PAF1: variants seen among roughly 807,000 people sequenced by gnomAD.
The protein encoded by PAF1 is RNA polymerase II-associated factor 1 homolog.
A neutral mutation model predicts 68.4 loss-of-function variants in PAF1; 31 were observed. The observed-to-expected ratio is 0.45, with a 90% CI of 0.34 to 0.61. The LOEUF (loss-of-function observed/expected upper bound fraction) is 0.61. PAF1 is among the 20% of genes least tolerant of loss of function. PAF1 has a pLI of 0.01. For synonymous variants in PAF1, 256 were observed against 240.5 expected, an observed-to-expected ratio of 1.06 and a Z score of -0.60; for missense variants, 435 against 692.9, an observed-to-expected ratio of 0.63 and a Z score of 4.18.
Position 39,386,637 on chromosome 19 carries a change from C to T in PAF1, c.1092+57G>A. The T allele has an allele frequency of 1.9e-6, 3 of 1,596,172 alleles. No individual in the cohort carries two copies. Among genetic ancestry groups the T allele is most frequent in the Admixed American group, 1.7e-5 (1 of 60,010 alleles). Reference sequence around the variant, plus strand: ...TCTGCTGGGTTTTTGTCCCCCTCCTCACCTACAACCACCACCCTCCCTGCC... The same window carrying T: ...TCTGCTGGGTTTTTGTCCCCCTCCTTACCTACAACCACCACCCTCCCTGCC... On this transcript the variant is annotated intron_variant, in intron 12 of 13. Transcript: ENST00000221265. This position sits in a 1 kb window ranked among gnomAD's most constrained non-coding sequence, Gnocchi z 6.1.
In PAF1 at chr19:39,386,365, C is replaced by T. The variant is rs1352765956; in HGVS notation, c.1222G>A (p.Gly408Ser). ...CTGCCCGAGTGCTCATCTTCACTGC[C>T]CTCCTTCTCACTGCTGCTGCCCTTC... is the stretch of plus-strand genomic sequence containing the variant. ...QEKGSSSEKE[G>S]SEDEHSGSES... Residue 408 changes from glycine to serine, a missense_variant, in exon 14 of 14, where the codon GGC becomes AGC. Transcript: ENST00000221265. This position sits in a 1 kb window ranked among gnomAD's most constrained non-coding sequence, Gnocchi z 6.1. 6.2e-7 allele frequency: 1 copy of T among 1,614,038 alleles called. No homozygotes were observed. The highest frequency in any genetic ancestry group is 8.5e-7 in the Non-Finnish European group (1 of 1,180,042).
In PAF1 at chr19:39,386,175, C is replaced by G. The variant is rs1273347663; in HGVS notation, c.1412G>C (p.Arg471Thr). The change falls in exon 14 of 14, where the codon AGA becomes ACA. Residue 471 changes from arginine to threonine, a missense_variant. Physicochemically the swap from Arg to Thr is moderately conservative, Grantham distance 71. This residue lies in a region of PAF1 where 83 missense variants were observed against 99.9 expected (regional missense o/e 0.83). Coordinates refer to ENST00000221265, the MANE Select transcript of PAF1 (RefSeq NM_019088.4). This position sits in a 1 kb window ranked among gnomAD's most constrained non-coding sequence, Gnocchi z 6.1. ...EDDADSDDEDRGQAQGGSDND... is the reference protein window; with the variant it reads ...EDDADSDDEDTGQAQGGSDND... ...GTCACTGCCACCTTGGGCCTGTCCT[C>G]TGTCCTCATCATCAGAGTCGGCATC... 1 of 1,614,064 alleles carries G rather than the reference C, an allele frequency of 6.2e-7. No individual in the cohort carries two copies. Among genetic ancestry groups the G allele is most frequent in the East Asian group, 2.2e-5 (1 of 44,894 alleles).
In PAF1 at chr19:39,388,680, G is replaced by A. The variant is rs1194317166; in HGVS notation, c.741-4C>T. On this transcript the variant is annotated splice_region_variant and splice_polypyrimidine_tract_variant and intron_variant, in intron 9 of 13. Coordinates refer to ENST00000221265, the MANE Select transcript of PAF1 (RefSeq NM_019088.4). ...CCCTTCCTCATCCATCATGCCCCTG[G>A]TTGGGGGAAAAGGAGTAGCAATGAA... 31 of 1,613,394 alleles carry A rather than the reference G, an allele frequency of 1.9e-5. No homozygotes were observed. The highest frequency in any genetic ancestry group is 2.7e-5 in the African/African-American group (2 of 74,904).
In PAF1 at chr19:39,389,126, G is replaced by A. The variant is rs376964731; in HGVS notation, c.534C>T (p.Ala178=). The A allele has an allele frequency of 6.8e-6, 11 of 1,613,942 alleles. No individual in the cohort carries two copies. The African/African-American group carries it at 1.5e-4, about 22-fold the overall frequency. ...IYKDRDSQIT[A]IEKTFEDAQK... is the part of the protein sequence containing the mutation. ...GGGCATCCTCAAAAGTCTTCTCAAT[G>A]GCTGTGATCTGGCTATCCCTGTCTT... Residue 178 remains alanine, a synonymous_variant, in exon 7 of 14, where the codon GCC becomes GCT. Transcript: ENST00000221265. This position sits in a 1 kb window ranked among gnomAD's most constrained non-coding sequence, Gnocchi z 5.3.
chr19:39,386,180 CTCA>C lies in PAF1; in HGVS notation c.1404_1406del (p.Asp468del), dbSNP rs756950231. ...TGCCACCTTGGGCCTGTCCTCTGTC[CTCA>C]TCATCAGAGTCGGCATCGTCCTCAG... On this transcript the variant is annotated inframe_deletion, in exon 14 of 14. Coordinates refer to ENST00000221265, the MANE Select transcript of PAF1 (RefSeq NM_019088.4). The surrounding 1 kb of genome is among the most constrained non-coding windows in gnomAD (Gnocchi z 6.1). 3 of 1,614,034 alleles carry C rather than the reference CTCA, an allele frequency of 1.9e-6. No homozygotes were observed. Among genetic ancestry groups the C allele is most frequent in the East Asian group, 2.2e-5 (1 of 44,898 alleles).
In PAF1 at chr19:39,388,743, G is replaced by A. The variant is rs377677270; in HGVS notation, c.740+19C>T. 236 of 1,608,494 alleles carry A rather than the reference G, an allele frequency of 1.5e-4. No individual in the cohort carries two copies. The highest frequency in any genetic ancestry group is 1.9e-4 in the Non-Finnish European group (224 of 1,174,964). On this transcript the variant is annotated intron_variant, in intron 9 of 13. Coordinates refer to ENST00000221265, the MANE Select transcript of PAF1 (RefSeq NM_019088.4). ...GAGGCAGCAAGGAGCAGGCCAAGGT[G>A]GACAGCAGGACCACCTACCTAATCA...
Position 39,389,341 on chromosome 19 carries a change from T to G in PAF1, c.402A>C (p.Thr134=), listed in dbSNP as rs1237760305. The change falls in exon 6 of 14, where the codon ACA becomes ACC. Residue 134 remains threonine, a synonymous_variant. Coordinates refer to ENST00000221265, the MANE Select transcript of PAF1 (RefSeq NM_019088.4). The surrounding 1 kb of genome is among the most constrained non-coding windows in gnomAD (Gnocchi z 5.3). ...HAKVVPWMRK[T]EYISTEFNRY... is the part of the protein sequence containing the mutation. ...GGTTGAACTCAGTGGAGATGTACTC[T>G]GTCTTTCGCATCCATGGCACCACCT... The G allele has an allele frequency of 6.2e-7, 1 of 1,614,194 alleles. No individual in the cohort carries two copies. The highest frequency in any genetic ancestry group is 8.5e-7 in the Non-Finnish European group (1 of 1,180,024).
chr19:39,389,088 A>G lies in PAF1; in HGVS notation c.567+5T>C, dbSNP rs1352856386. On this transcript the variant is annotated splice_donor_5th_base_variant and intron_variant, in intron 7 of 13. Transcript: ENST00000221265. This position sits in a 1 kb window ranked among gnomAD's most constrained non-coding sequence, Gnocchi z 5.3. The stretch of plus-strand genomic sequence containing the variant: ...TGCCTCTCCCCATCCCAGTCCCTCA[A>G]TTACTGATTTCTGGGCATCCTCAAA... 1.2e-6 allele frequency: 2 copies of G among 1,612,902 alleles called. No homozygotes were observed. The highest frequency in any genetic ancestry group is 3.3e-5 in the Admixed American group (2 of 59,996).
intron 1 of PAF1, 26 bp downstream of exon 1, chr19:39,390,792 C>G (rs1215321416): frequency 1.3e-6 from 2 of 1,568,466 alleles, no homozygotes; most frequent in Non-Finnish European, 8.7e-7. Context: ...CCCCGCCTTG[C>G]TGCAACAGAA....
rs574128186 is a variant in PAF1 at position 39,390,003 on chromosome 19, C to G, written c.170+66G>C. 5.3e-6 allele frequency: 7 copies of G among 1,331,608 alleles called. No individual in the cohort carries two copies. The South Asian group carries it at 7.1e-5, about 14-fold the overall frequency. The allele number at this position is 1,331,608 out of a possible 1,614,324, so 82.5% of individuals were successfully genotyped here. A position where few individuals can be genotyped will look rare whatever the true frequency, so the allele number is the denominator to read the frequency against. ...TAGGCCCTGAGCAGACAGCAGCCAA[C>G]GAGACAAGCAGTCCCTGCCTTCAAG... On this transcript the variant is annotated intron_variant, in intron 3 of 13. Coordinates refer to ENST00000221265, the MANE Select transcript of PAF1 (RefSeq NM_019088.4).
intron 11 of PAF1, among the ~76,000 whole-genome samples, chr19:39,388,072 C>T (rs934490711): frequency 2.0e-5 from 3 of 152,138 alleles, no homozygotes; most frequent in African/African-American, 7.2e-5. Flanking sequence ...ACCCAGGAAG[C>T]GGAGGTTGCA....
In PAF1 at chr19:39,389,831, G is replaced by A; in HGVS notation, c.171-70C>T. On this transcript the variant is annotated intron_variant, in intron 3 of 13. Transcript: ENST00000221265. This position sits in a 1 kb window ranked among gnomAD's most constrained non-coding sequence, Gnocchi z 5.3. Reference sequence around the variant, plus strand: ...CCCCTCACAGCCCTGCTTCCCAGAGGCGGAGCTTCTCTGGGGAGGAACTCA... The same window carrying A: ...CCCCTCACAGCCCTGCTTCCCAGAGACGGAGCTTCTCTGGGGAGGAACTCA... The A allele has an allele frequency of 6.3e-7, 1 of 1,593,538 alleles. No individual in the cohort carries two copies. The highest frequency in any genetic ancestry group is 8.6e-7 in the Non-Finnish European group (1 of 1,162,934).
rs751010774 is a variant in PAF1, at chr19:39,388,981, G to C, written c.602C>G (p.Pro201Arg). 3.7e-6 allele frequency: 6 copies of C among 1,613,984 alleles called. No individual in the cohort carries two copies. Among genetic ancestry groups the C allele is most frequent in the Non-Finnish European group, 4.2e-6 (5 of 1,180,002 alleles). Residue 201 changes from proline to arginine, a missense_variant, in exon 8 of 14, where the codon CCG (proline) becomes CGG (arginine). Coordinates refer to ENST00000221265, the MANE Select transcript of PAF1 (RefSeq NM_019088.4). ...SQHYSKPRVTPVEVMPVFPDF... is the reference protein window; with the variant it reads ...SQHYSKPRVTRVEVMPVFPDF... ...TGGGAAGACAGGCATGACCTCCACC[G>C]GTGTGACTCGGGGTTTGCTGTAATG...
Position 39,390,903 on chromosome 19 carries a change from G to A in PAF1, c.-39C>T. The stretch of plus-strand genomic sequence containing the variant: ...CGGCAGCCCGGACGGGGTCCTAGCG[G>A]GACCGAAGGGGGACGCAGAGGGGCG... On this transcript the variant is annotated 5_prime_UTR_variant, in exon 1 of 14. Coordinates refer to ENST00000221265, the MANE Select transcript of PAF1 (RefSeq NM_019088.4). 2 of 1,556,330 alleles carry A rather than the reference G, an allele frequency of 1.3e-6. No individual in the cohort carries two copies. Among genetic ancestry groups the A allele is most frequent in the Non-Finnish European group, 1.7e-6 (2 of 1,148,996 alleles).
intron 1 of PAF1, 40 bp downstream of exon 1, chr19:39,390,778 G>A (rs1391411719): frequency 4.5e-6 from 7 of 1,553,634 alleles, no homozygotes; most frequent in Non-Finnish European, 5.2e-6. Context: ...ACCCTCTCCC[G>A]ATCCCCCGCC....
In PAF1 at chr19:39,389,371, GTGC is replaced by G; in HGVS notation, c.369_371del (p.Gln123del). 6.2e-7 allele frequency: 1 copy of G among 1,614,010 alleles called. No individual in the cohort carries two copies. Among genetic ancestry groups the G allele is most frequent in the Non-Finnish European group, 8.5e-7 (1 of 1,179,976 alleles). ...TTCGCATCCATGGCACCACCTTCGC[GTGC>G]TGCTGGGATCTGGGGTGGGAAATCA... On this transcript the variant is annotated inframe_deletion, in exon 6 of 14. Transcript: ENST00000221265. This position sits in a 1 kb window ranked among gnomAD's most constrained non-coding sequence, Gnocchi z 5.3.
In PAF1 at chr19:39,390,287, G is replaced by A; in HGVS notation, c.50C>T (p.Pro17Leu). 2 of 1,612,228 alleles carry A rather than the reference G, an allele frequency of 1.2e-6. No individual in the cohort carries two copies. The highest frequency in any genetic ancestry group is 1.7e-6 in the Non-Finnish European group (2 of 1,179,110). ...TQAQREDGHR[P>L]NSHRTLPERS... is the part of the protein sequence containing the mutation. ...CTCAGGCAGAGTCCGGTGGGAATTG[G>A]GCCTAGTGGAGAAGAAAGAAACAGT... is the stretch of plus-strand genomic sequence containing the variant. The change falls in exon 2 of 14, where the codon CCC becomes CTC. Residue 17 changes from proline to leucine, a missense_variant and splice_region_variant. Pro to Leu is a moderately conservative substitution (Grantham distance 98, BLOSUM62 -3). Around this residue, in one of 7 missense-constraint regions of PAF1, gnomAD observed 38 missense variants for 33.9 expected, o/e 1.12. Transcript: ENST00000221265.
Position 39,389,248 on chromosome 19 carries a change from C to G in PAF1, c.461+34G>C. On this transcript the variant is annotated intron_variant, in intron 6 of 13. Coordinates refer to ENST00000221265, the MANE Select transcript of PAF1 (RefSeq NM_019088.4). The surrounding 1 kb of genome is among the most constrained non-coding windows in gnomAD (Gnocchi z 5.3). ...AGGGGCCACTGGACACACCTAATAT[C>G]TCCACCTTCCCTCTCTTCCTGTTAG... is the stretch of plus-strand genomic sequence containing the variant. 6.2e-7 allele frequency: 1 copy of G among 1,607,768 alleles called. No individual in the cohort carries two copies. Among genetic ancestry groups the G allele is most frequent in the Non-Finnish European group, 8.5e-7 (1 of 1,174,166 alleles).
Position 39,391,096 on chromosome 19 carries a change from G to T in PAF1, c.-232C>A. On this transcript the variant is annotated 5_prime_UTR_variant, in exon 1 of 14. Transcript: ENST00000221265. ...CGAAGCTCCGGTTCCACCAACTGCC[G>T]CCAAGACGCTGAGGACCCAACGGGT... 3.2e-6 allele frequency: 2 copies of T among 633,000 alleles called. No homozygotes were observed. Among genetic ancestry groups the T allele is most frequent in the Non-Finnish European group, 2.7e-6 (1 of 368,520 alleles). The allele number at this position is 633,000 out of a possible 1,614,324, so 39.2% of individuals were successfully genotyped here. A position where few individuals can be genotyped will look rare whatever the true frequency, so the allele number is the denominator to read the frequency against.
Sources: gnomAD v4.1 joint callset for allele counts (sites outside exome capture counted in the v4.1 genomes callset) on GRCh38, gnomAD v4.1.1 for gene constraint, gnomAD v4.1.1 regional missense constraint, Gnocchi (gnomAD v3.1) non-coding constraint, MANE v1.5 for transcripts, NCBI Gene and HGNC (gene_info 2026-07-23, HGNC 2026-07-21) for gene names.